FAM76B: variants seen among roughly 807,000 people sequenced by gnomAD.
FAM76B encodes the protein protein FAM76B.
A neutral mutation model predicts 51.8 loss-of-function variants in FAM76B; 16 were observed. That is an observed-to-expected ratio of 0.31 (90% CI 0.21 to 0.47). The LOEUF (loss-of-function observed/expected upper bound fraction) is 0.47. Ranked by LOEUF, FAM76B falls within the 20% of genes least tolerant of loss-of-function variation. The pLI is 1.00. For synonymous variants in FAM76B, 166 were observed against 129.5 expected (o/e 1.28, Z -1.91); for missense variants, 342 against 392.6 (o/e 0.87, Z 1.09).
intron 9 of FAM76B, among the ~76,000 whole-genome samples, chr11:95,774,920 C>G (rs1287472496): frequency 6.6e-6 from 1 of 150,708 alleles, no homozygotes; most frequent in Non-Finnish European, 1.5e-5. Flanking sequence ...CTAAATCCTA[C>G]TAATTTAAGC....
chr11:95,788,783 T>C (rs1358901137), intron 1 of FAM76B: 6 of 1,471,898 alleles, frequency 4.1e-6, no homozygotes, highest in South Asian at 1.2e-5. Flanking sequence ...TGGGGGTATA[T>C]TACAGACAAA....
chr11:95,774,496 A>C (rs1859910646), intron 9 of FAM76B, among the ~76,000 whole-genome samples: 1 of 151,394 alleles, frequency 6.6e-6, no homozygotes, highest in Admixed American at 6.6e-5. Context: ...GGGAGCACTA[A>C]GTTAAAACAT....
Position 95,785,992 on chromosome 11 carries a change from A to C in FAM76B, c.363+127T>G, listed in dbSNP as rs1860556870. The C allele has an allele frequency of 2.6e-6, 3 of 1,144,392 alleles. No individual in the cohort carries two copies. The South Asian group carries it at 5.2e-5, about 20-fold the overall frequency. 70.9% of individuals were successfully genotyped at this position (1,144,392 alleles called of 1,614,324 possible). A position where few individuals can be genotyped will look rare whatever the true frequency, so the allele number is the denominator to read the frequency against. On this transcript the variant is annotated intron_variant, in intron 4 of 9. Coordinates refer to ENST00000358780, the MANE Select transcript of FAM76B (RefSeq NM_144664.5). Reference sequence around the variant, plus strand: ...GAAAACTCACTATTCCTGCACTTTCATCTAACTACTTGCTTTCATGGACCT... The same window carrying C: ...GAAAACTCACTATTCCTGCACTTTCCTCTAACTACTTGCTTTCATGGACCT...
chr11:95,779,521 A>AT (rs1199130690), intron 7 of FAM76B, 86 bp downstream of exon 7: 18 of 1,141,806 alleles, frequency 1.6e-5, no homozygotes, highest in East Asian at 5.0e-5. Flanking sequence ...ACATGTTTCT[A>AT]TTTTTTTATC....
intron 1 of FAM76B, chr11:95,788,859 C>T (rs1024002866): frequency 1.4e-5 from 20 of 1,388,886 alleles, no homozygotes; most frequent in Non-Finnish European, 1.8e-5. Context: ...TATTTTGCAC[C>T]GTTGCTCACA....
chr11:95,788,717 C>A, intron 1 of FAM76B, 154 bp from the exon 2 acceptor site: 3 of 1,228,418 alleles, frequency 2.4e-6, no homozygotes, highest in Non-Finnish European at 2.2e-6. Flanking sequence ...ATATAAGTGG[C>A]CAATCACAAT....
intron 7 of FAM76B, chr11:95,779,213 A>G: frequency 7.5e-7 from 1 of 1,325,950 alleles, no homozygotes; most frequent in Non-Finnish European, 1.0e-6. Flanking sequence ...CAATTTGTAC[A>G]GTAACATCAG....
intron 5 of FAM76B, among the ~76,000 whole-genome samples, chr11:95,782,003 A>G (rs1424829444): frequency 6.6e-6 from 1 of 152,206 alleles, no homozygotes; most frequent in Non-Finnish European, 1.5e-5. Context: ...TCTGTTTTAA[A>G]TAACTATCTG....
At chr11:95,775,354 C>G (rs1282088618) in intron 9 of FAM76B, among the ~76,000 whole-genome samples, 1 of 151,354 alleles carries the variant, frequency 6.6e-6, no homozygotes, top group Non-Finnish European at 1.5e-5. Context: ...GTTCTGTATA[C>G]TTAAACTGCT....
In FAM76B at chr11:95,783,206, T is replaced by C. The variant is rs1591021394; in HGVS notation, c.422A>G (p.Lys141Arg). The C allele has an allele frequency of 6.2e-7, 1 of 1,613,994 alleles. No individual in the cohort carries two copies. The highest frequency in any genetic ancestry group is 8.5e-7 in the Non-Finnish European group (1 of 1,179,972). ...CTLSYKRVLQKTKEQRKSLGS... is the reference protein window; with the variant it reads ...CTLSYKRVLQRTKEQRKSLGS... ...CAGGCTCTTCCTTTGTTCTTTCGTC[T>C]TCTGTAAAACTCTTTTGTACGATAA... Residue 141 changes from lysine to arginine, a missense_variant, in exon 5 of 10, where the codon AAG becomes AGG. By Grantham distance (26) the Lys-to-Arg change is conservative. Around this residue, in one of 3 missense-constraint regions of FAM76B, gnomAD observed 230 missense variants for 257.4 expected, o/e 0.89. Coordinates refer to ENST00000358780, the MANE Select transcript of FAM76B (RefSeq NM_144664.5).
At chr11:95,779,234 G>T in intron 7 of FAM76B, 2 of 1,059,312 alleles carry the variant, frequency 1.9e-6, no homozygotes, top group Admixed American at 2.2e-5. Context: ...CAAACTTTTG[G>T]CTAATGAACT....
At chr11:95,776,602 G>A (rs1176335601) in intron 8 of FAM76B, among the ~76,000 whole-genome samples, 1 of 151,196 alleles carries the variant, frequency 6.6e-6, no homozygotes, top group African/African-American at 2.4e-5. Context: ...AACACAGAAT[G>A]AGAAAGGAAA....
intron 1 of FAM76B, 74 bp downstream of exon 1, chr11:95,789,318 G>C: frequency 3.4e-6 from 5 of 1,476,202 alleles, no homozygotes; most frequent in South Asian, 2.4e-5. Flanking sequence ...AGGGGCTGCA[G>C]TGCAGCGGCT....
Position 95,789,585 on chromosome 11 carries a change from C to T in FAM76B, c.-107G>A, listed in dbSNP as rs1415173681. On this transcript the variant is annotated 5_prime_UTR_variant, in exon 1 of 10. Coordinates refer to ENST00000358780, the MANE Select transcript of FAM76B (RefSeq NM_144664.5). ...GCCGCGGGCTCCTCCTCCTCCCCCT[C>T]CCCCTGCCTCGCGCCCACCAGGGCC... The T allele has an allele frequency of 8.3e-6, 8 of 962,142 alleles. No individual in the cohort carries two copies. In the South Asian group the frequency reaches 1.0e-4, roughly 12 times the overall value. The allele number at this position is 962,142 out of a possible 1,614,324, so 59.6% of individuals were successfully genotyped here. A position where few individuals can be genotyped will look rare whatever the true frequency, so the allele number is the denominator to read the frequency against.
Position 95,770,793 on chromosome 11 carries a change from TACAA to T in FAM76B, c.*764_*767del, listed in dbSNP as rs1170959729. On this transcript the variant is annotated 3_prime_UTR_variant, in exon 10 of 10. Transcript: ENST00000358780. ...AGGCTTCTGTACATATGCATTTATA[TACAA>T]ACATTTATTAAACATGATTTTAAAA... is the stretch of plus-strand genomic sequence containing the variant. 1.3e-5 allele frequency: 2 copies of T among 151,802 alleles called. No individual in the cohort carries two copies. The highest frequency in any genetic ancestry group is 3.0e-5 in the Non-Finnish European group (2 of 67,446). The allele number at this position is 151,802 out of a possible 1,614,324, so 9.4% of individuals were successfully genotyped here.
chr11:95,787,749 A>C, intron 2 of FAM76B, 71 bp from the exon 3 acceptor site: 1 of 1,282,558 alleles, frequency 7.8e-7, no homozygotes, highest in Non-Finnish European at 1.1e-6. Flanking sequence ...GTCAAAATAA[A>C]ATGAGTCAAA....
intron 5 of FAM76B, among the ~76,000 whole-genome samples, chr11:95,781,039 T>C (rs137912622): frequency 4.4e-4 from 67 of 151,416 alleles, no homozygotes; most frequent in African/African-American, 1.5e-3. Flanking sequence ...TTATTCTTAC[T>C]TGTGAATGAA....
At chr11:95,779,489 G>T in intron 7 of FAM76B, 118 bp downstream of exon 7, 1 of 892,698 alleles carries the variant, frequency 1.1e-6, no homozygotes, top group Non-Finnish European at 1.6e-6. Flanking sequence ...TCTTCTAGGT[G>T]ACTCAAGTCA....
chr11:95,773,314 T>C (rs1478492210), intron 9 of FAM76B, among the ~76,000 whole-genome samples: 2 of 151,028 alleles, frequency 1.3e-5, no homozygotes, highest in Non-Finnish European at 3.0e-5. Context: ...GACAAAAGTC[T>C]TTATGGTAAA....
Sources: gnomAD v4.1 joint callset for allele counts (sites outside exome capture counted in the v4.1 genomes callset) on GRCh38, gnomAD v4.1.1 for gene constraint, gnomAD v4.1.1 regional missense constraint, MANE v1.5 for transcripts, NCBI Gene and HGNC (gene_info 2026-07-23, HGNC 2026-07-21) for gene names.